The following CFAP299 variants were observed in gnomAD, a reference collection of about 807,000 sequenced individuals.
The protein encoded by CFAP299 is cilia- and flagella-associated protein 299.
Under a neutral mutation model 27.0 loss-of-function variants are expected in CFAP299, and 21 were observed. The ratio of observed to expected loss-of-function variants is 0.78; its 90% CI spans 0.55 to 1.12. The LOEUF is 1.12. Ranked by LOEUF, CFAP299 falls within the 50% of genes most tolerant of loss-of-function variation. The probability of loss-of-function intolerance (pLI) is 0.00; values close to 1 mark genes in which losing one functional copy is unlikely to be tolerated. For missense variants in CFAP299, 310 were observed against 276.6 expected (o/e 1.12, Z -0.86); for synonymous variants, 104 against 98.1 (o/e 1.06, Z -0.36).
At chr4:80,334,518 C>T (rs971496960), upstream of CFAP299, among the ~76,000 whole-genome samples, 1 of 152,110 alleles carries the variant, frequency 6.6e-6, no homozygotes, top group African/African-American at 2.4e-5. Context: ...CCTCGTGATC[C>T]ACCCACCTCG....
chr4:80,382,359 T>C lies in CFAP299; in HGVS notation c.242+19475T>C, dbSNP rs556853074. 2.0e-5 allele frequency among the ~76,000 whole-genome samples: 3 copies of C among 152,316 alleles called. 1 individual carries two copies. The highest frequency in any genetic ancestry group is 2.9e-5 in the Non-Finnish European group (2 of 68,006). The stretch of plus-strand genomic sequence containing the variant: ...ACAAATGAGACCTAATTAACTGCAG[T>C]GTTTCTGCATAACAAAAGAAACTCT... On this transcript the variant is annotated intron_variant, in intron 2 of 5. Transcript: ENST00000358105.
At chr4:80,884,413 AC>A (rs1733869543) in intron 4 of CFAP299, among the ~76,000 whole-genome samples, 2 of 152,192 alleles carry the variant, frequency 1.3e-5, no homozygotes, top group Non-Finnish European at 2.9e-5. Flanking sequence ...CTGAAAACCA[AC>A]AGGTAAAAGA....
At chr4:80,680,459 G>A (rs1488272095) in intron 3 of CFAP299, among the ~76,000 whole-genome samples, 4 of 151,428 alleles carry the variant, frequency 2.6e-5, no homozygotes, top group Admixed American at 6.6e-5. Context: ...TTTTCATCTC[G>A]ATACCTTCTC....
At chr4:80,545,047 A>T (rs1157386408) in intron 2 of CFAP299, among the ~76,000 whole-genome samples, 1 of 152,198 alleles carries the variant, frequency 6.6e-6, no homozygotes, top group Non-Finnish European at 1.5e-5. Context: ...GTAGAAATCA[A>T]TACCAAGAAG....
chr4:80,621,247 T>C (rs112723866), intron 3 of CFAP299, among the ~76,000 whole-genome samples: 1 of 152,094 alleles, frequency 6.6e-6, no homozygotes, highest in Admixed American at 6.6e-5. Flanking sequence ...CTTTTCCCAA[T>C]GGGTAGGCTT....
intron 3 of CFAP299, among the ~76,000 whole-genome samples, chr4:80,839,418 G>C (rs957605126): frequency 2.6e-5 from 4 of 152,066 alleles, no homozygotes; most frequent in African/African-American, 4.8e-5. Context: ...AGACCAATTT[G>C]AAGTACAAAA....
intron 2 of CFAP299, among the ~76,000 whole-genome samples, chr4:80,451,273 A>T (rs1272005974): frequency 6.6e-6 from 1 of 152,190 alleles, no homozygotes; most frequent in East Asian, 1.9e-4. Context: ...TTGTGTGTCC[A>T]AATTTTCTCT....
intron 5 of CFAP299, among the ~76,000 whole-genome samples, chr4:80,960,836 C>T (rs532512672): frequency 2.0e-5 from 3 of 151,828 alleles, no homozygotes; most frequent in Non-Finnish European, 4.4e-5. Flanking sequence ...CCAATAGCCA[C>T]ACACATACCT....
At chr4:80,520,843 A>G (rs1159773505) in intron 2 of CFAP299, among the ~76,000 whole-genome samples, 1 of 152,190 alleles carries the variant, frequency 6.6e-6, no homozygotes, top group Non-Finnish European at 1.5e-5. Flanking sequence ...TTATTCCACA[A>G]ATAATTTAAG....
intron 3 of CFAP299, among the ~76,000 whole-genome samples, chr4:80,731,297 T>A (rs1405655171): frequency 6.6e-6 from 1 of 152,194 alleles, no homozygotes; most frequent in Admixed American, 6.5e-5. Flanking sequence ...ACTTAGAATA[T>A]GTGAGTAAAC....
At chr4:80,495,453 G>T (rs1578514644) in intron 2 of CFAP299, among the ~76,000 whole-genome samples, 1 of 152,118 alleles carries the variant, frequency 6.6e-6, no homozygotes, top group Non-Finnish European at 1.5e-5. Flanking sequence ...TTTAGAAAAA[G>T]GTTTTTTAAA....
At position 80,660,699 on chromosome 4, in the gene CFAP299, AC is replaced by A. The variant is rs1740797954; in HGVS notation, c.333+77517del. Among the ~76,000 whole-genome samples, 3 of 152,180 alleles carry A rather than the reference AC, an allele frequency of 2.0e-5. No individual in the cohort carries two copies. In the South Asian group the frequency reaches 6.2e-4, roughly 32 times the overall value. Reference sequence around the variant, plus strand: ...GTGGTGCCATTTGCCAAGACAGGTGACACAGAAGCAACAGGAGGCTTCAGAA... The same window carrying A: ...GTGGTGCCATTTGCCAAGACAGGTGAACAGAAGCAACAGGAGGCTTCAGAA... On this transcript the variant is annotated intron_variant, in intron 3 of 5. Coordinates refer to ENST00000358105, the MANE Select transcript of CFAP299 (RefSeq NM_152770.3).
chr4:80,944,366 T>C (rs1483309597), intron 4 of CFAP299, among the ~76,000 whole-genome samples: 1 of 152,090 alleles, frequency 6.6e-6, no homozygotes, highest in Non-Finnish European at 1.5e-5. Flanking sequence ...GAGAAACATA[T>C]TATTGAGGAA....
At chr4:80,454,859 G>A (rs1446215374) in intron 2 of CFAP299, among the ~76,000 whole-genome samples, 1 of 152,130 alleles carries the variant, frequency 6.6e-6, no homozygotes, top group Non-Finnish European at 1.5e-5. Context: ...GGATAACATG[G>A]TGGGTAGGGG....
chr4:80,412,727 G>C (rs1578415105), intron 2 of CFAP299, among the ~76,000 whole-genome samples: 2 of 152,246 alleles, frequency 1.3e-5, no homozygotes, highest in East Asian at 3.9e-4. Flanking sequence ...CTCAATTATT[G>C]TTGGATTGTT....
At chr4:80,843,136 T>C (rs1237769052) in intron 3 of CFAP299, among the ~76,000 whole-genome samples, 3 of 151,858 alleles carry the variant, frequency 2.0e-5, no homozygotes, top group African/African-American at 7.3e-5. Context: ...AACGTGCAGG[T>C]TTGTTATATA....
At chr4:80,924,557 T>TATATATAC (rs982976702) in intron 4 of CFAP299, among the ~76,000 whole-genome samples, 4 of 149,402 alleles carry the variant, frequency 2.7e-5, no homozygotes, top group African/African-American at 9.8e-5. Context: ...TATATATATA[T>TATATATAC]ATATATCTGT....
intron 2 of CFAP299, among the ~76,000 whole-genome samples, chr4:80,364,776 C>G (rs946301307): frequency 9.2e-5 from 14 of 152,152 alleles, no homozygotes; most frequent in Admixed American, 8.5e-4. Context: ...TTGACAGGCT[C>G]ACTGTGTGTC....
chr4:80,912,848 C>T (rs1456527810), intron 4 of CFAP299, among the ~76,000 whole-genome samples: 1 of 152,154 alleles, frequency 6.6e-6, no homozygotes. Context: ...CAGGAAGAAC[C>T]CAGAGGCCTG....
Sources: allele counts gnomAD v4.1 joint callset (sites outside exome capture counted in the v4.1 genomes callset), GRCh38; gene constraint gnomAD v4.1.1; transcripts MANE v1.5; gene names NCBI Gene and HGNC (gene_info 2026-07-23, HGNC 2026-07-21).